Variants in STK39 observed in about 807,000 individuals in gnomAD.
The protein encoded by STK39 is STE20/SPS1-related proline-alanine-rich protein kinase.
In STK39, 20 loss-of-function variants were observed where a neutral mutation model predicts 77.8. The ratio of observed to expected loss-of-function variants is 0.26; its 90% CI spans 0.18 to 0.37. The LOEUF (loss-of-function observed/expected upper bound fraction) is 0.37. Among genes scored for constraint, STK39 ranks in the 10% least tolerant of loss-of-function variants. STK39 has a pLI of 1.00. For synonymous variants in STK39, 246 were observed against 234.1 expected (o/e 1.05, Z -0.47); for missense variants, 479 against 656.5 (o/e 0.73, Z 2.95).
chr2:168,236,493 T>C (rs1558889882), intron 1 of STK39, among the ~76,000 whole-genome samples: 1 of 152,220 alleles, frequency 6.6e-6, no homozygotes, highest in Non-Finnish European at 1.5e-5. Context: ...TTGTTGCCAT[T>C]GCTTTTGGTG....
chr2:168,231,939 A>G (rs556986753), intron 1 of STK39: 2 of 237,212 alleles, frequency 8.4e-6, no homozygotes, highest in South Asian at 7.8e-5. Flanking sequence ...TCTTGTAGCC[A>G]TATTTTTTGC....
intron 1 of STK39, among the ~76,000 whole-genome samples, chr2:168,198,406 C>A (rs896761717): frequency 6.6e-6 from 1 of 152,060 alleles, no homozygotes; most frequent in Non-Finnish European, 1.5e-5. Context: ...AAAGGGATAA[C>A]CCAACTTTGG....
At chr2:168,218,488 C>T (rs760144753) in intron 1 of STK39, among the ~76,000 whole-genome samples, 4 of 152,206 alleles carry the variant, frequency 2.6e-5, no homozygotes, top group Non-Finnish European at 4.4e-5. Context: ...TTTGCGTCAA[C>T]TGCTCTCCCA....
At chr2:168,131,963 C>G (rs181033334) in intron 8 of STK39, among the ~76,000 whole-genome samples, 1 of 152,146 alleles carries the variant, frequency 6.6e-6, no homozygotes. Context: ...ATGAAGATGG[C>G]AGACATAAAT....
At chr2:168,019,644 G>A (rs1441281793) in intron 14 of STK39, among the ~76,000 whole-genome samples, 3 of 152,116 alleles carry the variant, frequency 2.0e-5, no homozygotes, top group Admixed American at 6.6e-5. Context: ...TGCCTGCAGT[G>A]GGAGGATGGT....
chr2:168,128,852 A>G (rs1171381232), intron 10 of STK39, among the ~76,000 whole-genome samples: 1 of 152,144 alleles, frequency 6.6e-6, no homozygotes, highest in Non-Finnish European at 1.5e-5. Context: ...GTGACTATAT[A>G]CATATTTTTA....
intron 10 of STK39, among the ~76,000 whole-genome samples, chr2:168,081,299 C>A (rs534607600): frequency 1.3e-5 from 2 of 152,198 alleles, no homozygotes; most frequent in South Asian, 2.1e-4. Flanking sequence ...GGGAACCCAT[C>A]TCTTGCATCA....
chr2:168,091,574 C>A (rs1232277351), intron 10 of STK39, among the ~76,000 whole-genome samples: 1 of 152,182 alleles, frequency 6.6e-6, no homozygotes, highest in African/African-American at 2.4e-5. Flanking sequence ...AAGATTATCA[C>A]CCTATGTGCA....
chr2:168,066,755 C>T (rs553547061), intron 12 of STK39, among the ~76,000 whole-genome samples: 26 of 152,362 alleles, frequency 1.7e-4, no homozygotes, highest in African/African-American at 5.8e-4. Flanking sequence ...CACACACACC[C>T]TGCAACCTTA....
At chr2:168,171,493 A>ATT (rs11305638) in intron 2 of STK39, among the ~76,000 whole-genome samples, 1 of 143,246 alleles carries the variant, frequency 7.0e-6, no homozygotes. Flanking sequence ...AAAAAACTTA[A>ATT]TTTTTTTTTT....
chr2:168,083,784 T>A (rs1007152064), intron 10 of STK39, among the ~76,000 whole-genome samples: 4 of 151,918 alleles, frequency 2.6e-5, no homozygotes, highest in Non-Finnish European at 5.9e-5. Flanking sequence ...AAGAATCTTG[T>A]ACAATCAGGA....
chr2:168,117,124 A>T (rs1054131450), intron 10 of STK39, among the ~76,000 whole-genome samples: 4 of 152,232 alleles, frequency 2.6e-5, no homozygotes, highest in African/African-American at 9.6e-5. Flanking sequence ...TTCTATGATC[A>T]TGTGGCAAAG....
intron 5 of STK39, among the ~76,000 whole-genome samples, chr2:168,146,290 A>G (rs567335751): frequency 9.2e-5 from 14 of 152,220 alleles, no homozygotes; most frequent in Non-Finnish European, 2.1e-4. Flanking sequence ...TAAAACCTGT[A>G]AGGGAAGCTG....
At chr2:168,079,926 T>A (rs545356084) in intron 10 of STK39, among the ~76,000 whole-genome samples, 4 of 146,368 alleles carry the variant, frequency 2.7e-5, no homozygotes, top group African/African-American at 1.1e-4. Context: ...ATGTAACATG[T>A]GTCCATGGCC....
At position 168,182,048 on chromosome 2, in the gene STK39, G is replaced by A. The variant is rs200276483; in HGVS notation, c.251C>T (p.Pro84Leu). The change falls in exon 2 of 18, where the codon CCC (proline) becomes CTC (leucine). Residue 84 changes from proline to leucine, a missense_variant. Transcript: ENST00000355999. ...TTTTATTGCTACACGTTCTTGCCTG[G>A]GTTTGCATAGGGCTGCCTGAACCAC... Reference protein sequence around the residue: ...TAVVQAALCKPRQERVAIKRI... With the variant: ...TAVVQAALCKLRQERVAIKRI... 3 of 1,613,976 alleles carry A rather than the reference G, an allele frequency of 1.9e-6. No homozygotes were observed. The highest frequency in any genetic ancestry group is 2.5e-6 in the Non-Finnish European group (3 of 1,179,928).
chr2:168,102,748 T>G (rs1686865308), intron 10 of STK39, among the ~76,000 whole-genome samples: 1 of 151,876 alleles, frequency 6.6e-6, no homozygotes, highest in Admixed American at 6.6e-5. Flanking sequence ...GCTAACACGG[T>G]GAAACCCCGT....
At chr2:168,032,722 A>T (rs563517401) in intron 14 of STK39, among the ~76,000 whole-genome samples, 27 of 152,360 alleles carry the variant, frequency 1.8e-4, no homozygotes, top group African/African-American at 6.0e-4. Context: ...GTACAAAAAA[A>T]CAAAGCAAAA....
chr2:167,998,839 T>C (rs556157949), intron 16 of STK39, among the ~76,000 whole-genome samples: 5 of 152,358 alleles, frequency 3.3e-5, no homozygotes, highest in African/African-American at 1.2e-4. Context: ...CAGGATGATT[T>C]GCTTGTCTAT....
At chr2:168,067,016 G>T (rs571850993) in intron 12 of STK39, among the ~76,000 whole-genome samples, 1 of 152,222 alleles carries the variant, frequency 6.6e-6, no homozygotes, top group African/African-American at 2.4e-5. Flanking sequence ...GAGGCCAAGA[G>T]TTCGAGGCTA....
Sources: allele counts gnomAD v4.1 joint callset (sites outside exome capture counted in the v4.1 genomes callset), GRCh38; gene constraint gnomAD v4.1.1; transcripts MANE v1.5; gene names NCBI Gene and HGNC (gene_info 2026-07-23, HGNC 2026-07-21).